BFSP2: variants seen among roughly 807,000 people sequenced by gnomAD.
BFSP2 encodes the protein beaded filament structural protein 2.
In BFSP2, 38 loss-of-function variants were observed where a neutral mutation model predicts 44.9. The observed-to-expected ratio is 0.85, with a 90% CI of 0.65 to 1.11. BFSP2 has a LOEUF of 1.11. Ranked by LOEUF, BFSP2 falls within the 50% of genes least tolerant of loss-of-function variation. The pLI, the probability that BFSP2 is intolerant of heterozygous loss-of-function variation, is 0.00. For missense variants in BFSP2, 525 were observed against 533.0 expected, an observed-to-expected ratio of 0.99 and a Z score of 0.15; for synonymous variants, 197 against 209.9, an observed-to-expected ratio of 0.94 and a Z score of 0.53.
chr3:133,421,049 G>T (rs1363684451), intron 1 of BFSP2, among the ~76,000 whole-genome samples: 1 of 152,220 alleles, frequency 6.6e-6, no homozygotes, highest in Non-Finnish European at 1.5e-5. Flanking sequence ...CTGTGGGGAT[G>T]CTGGCTGGAG....
At chr3:133,448,376 T>A (rs1354280758) in intron 2 of BFSP2, 113 bp from the exon 3 acceptor site, 1 of 1,320,214 alleles carries the variant, frequency 7.6e-7, no homozygotes, top group Non-Finnish European at 1.1e-6. Context: ...AAACAGTGAC[T>A]TTTACCATTC....
At chr3:133,446,639 T>A (rs1238232891) in intron 1 of BFSP2, among the ~76,000 whole-genome samples, 34 of 87,498 alleles carry the variant, frequency 3.9e-4, no homozygotes, top group African/African-American at 1.4e-3. Context: ...TATATATATA[T>A]AAAGGAGTTT....
intron 4 of BFSP2, among the ~76,000 whole-genome samples, chr3:133,457,149 C>T (rs577886354): frequency 1.6e-4 from 25 of 152,314 alleles, no homozygotes; most frequent in South Asian, 4.1e-4. Context: ...AAAAGCAGGA[C>T]GCCTGACAGC....
At chr3:133,467,299 C>T (rs1306952924) in intron 5 of BFSP2, among the ~76,000 whole-genome samples, 1 of 152,220 alleles carries the variant, frequency 6.6e-6, no homozygotes, top group Non-Finnish European at 1.5e-5. Flanking sequence ...GGCCCTGCCC[C>T]CCAAGGCTCA....
intron 1 of BFSP2, among the ~76,000 whole-genome samples, chr3:133,445,791 A>G (rs2073891359): frequency 6.6e-6 from 1 of 152,218 alleles, no homozygotes; most frequent in South Asian, 2.1e-4. Flanking sequence ...CATTTTATAT[A>G]AGAGACTTGA....
At chr3:133,428,815 T>G (rs1358736676) in intron 1 of BFSP2, among the ~76,000 whole-genome samples, 7 of 152,182 alleles carry the variant, frequency 4.6e-5, no homozygotes, top group Admixed American at 4.6e-4. Context: ...CTGCCCTCGC[T>G]CTGACCTGCC....
chr3:133,467,956 T>C (rs1423102532), intron 5 of BFSP2, among the ~76,000 whole-genome samples: 13 of 152,132 alleles, frequency 8.5e-5, no homozygotes, highest in Non-Finnish European at 1.9e-4. Flanking sequence ...ATTTATCCCT[T>C]GGGTAAAGAG....
intron 1 of BFSP2, among the ~76,000 whole-genome samples, chr3:133,424,212 A>ATTTTTTT (rs112772093): frequency 1.5e-5 from 1 of 64,718 alleles, no homozygotes; most frequent in East Asian, 1.1e-3. Flanking sequence ...CGTCCAGCTA[A>ATTTTTTT]TTTTTTTTTT....
chr3:133,416,003 ATTCACCCCGTCC>A (rs2073523159), intron 1 of BFSP2, among the ~76,000 whole-genome samples: 2 of 68,768 alleles, frequency 2.9e-5, no homozygotes, highest in South Asian at 4.8e-4. Flanking sequence ...TCTCCCTTCT[ATTCACCCCGTCC>A]TCTCCCCTCT....
chr3:133,449,972 G>GAAAGAAAGAAAGAAAGAAAGAAAGAAA (rs1559976005), intron 3 of BFSP2, among the ~76,000 whole-genome samples: 21 of 114,690 alleles, frequency 1.8e-4, no homozygotes, highest in African/African-American at 7.5e-4. Flanking sequence ...AGAGAAAGAA[G>GAAAGAAAGAAAGAAAGAAAGAAAGAAA]GAAAGAAGGA....
rs1302083960 is a variant in BFSP2 at position 133,466,883 on chromosome 3, C to A, written c.947C>A (p.Ala316Asp). 4.2e-5 allele frequency: 68 copies of A among 1,613,834 alleles called. No homozygotes were observed. Among genetic ancestry groups the A allele is most frequent in the Non-Finnish European group, 5.6e-5 (66 of 1,179,984 alleles). ...ACCCAGGAGGAGAAGCTGGCAGCTG[C>A]CCTCAGGGTGGAGTTACACAACACT... ...SQTQEEKLAA[A>D]LRVELHNTSC... is the part of the protein sequence containing the mutation. Residue 316 changes from alanine to aspartate, a missense_variant, in exon 5 of 7, where the codon GCC (alanine) becomes GAC (aspartate). Coordinates refer to ENST00000302334, the MANE Select transcript of BFSP2 (RefSeq NM_003571.4).
intron 1 of BFSP2, among the ~76,000 whole-genome samples, chr3:133,442,693 G>A (rs1255804356): frequency 6.6e-6 from 1 of 152,008 alleles, no homozygotes; most frequent in Non-Finnish European, 1.5e-5. Context: ...ACATTGTGGG[G>A]GTAGAATTGA....
chr3:133,428,478 G>C (rs1396242910), intron 1 of BFSP2, among the ~76,000 whole-genome samples: 1 of 62,702 alleles, frequency 1.6e-5, no homozygotes, highest in Non-Finnish European at 3.8e-5. Flanking sequence ...CAAAAAAATA[G>C]TTCCAAAAAA....
chr3:133,438,125 G>T (rs1323325370), intron 1 of BFSP2, among the ~76,000 whole-genome samples: 1 of 152,222 alleles, frequency 6.6e-6, no homozygotes, highest in African/African-American at 2.4e-5. Flanking sequence ...GGAAAGGGAG[G>T]TGGAGGGTGA....
At chr3:133,406,706 T>C (rs1038489719) in intron 1 of BFSP2, among the ~76,000 whole-genome samples, 3 of 151,938 alleles carry the variant, frequency 2.0e-5, no homozygotes, top group Non-Finnish European at 4.4e-5. Flanking sequence ...TCCACAGAAA[T>C]TAAGAATGAG....
Position 133,448,489 on chromosome 3 carries a change from A to T in BFSP2, c.573A>T (p.Arg191Ser). Residue 191 changes from arginine to serine, a missense_variant and splice_region_variant, in exon 3 of 7, where the codon AGA becomes AGT. Physicochemically the swap from Arg to Ser is moderately radical, Grantham distance 110. Transcript: ENST00000302334. Reference sequence around the variant, plus strand: ...GCTAATTAAGTTCCTTTATCTGCAGATATGAAAATGAGCAGCCATTTCGAA... The same window carrying T: ...GCTAATTAAGTTCCTTTATCTGCAGTTATGAAAATGAGCAGCCATTTCGAA... ...IQAGADDFKERYENEQPFRKA... is the reference protein window; with the variant it reads ...IQAGADDFKESYENEQPFRKA... 1 of 1,613,858 alleles carries T rather than the reference A, an allele frequency of 6.2e-7. No individual in the cohort carries two copies. The highest frequency in any genetic ancestry group is 8.5e-7 in the Non-Finnish European group (1 of 1,180,004).
chr3:133,459,164 A>G (rs1024641492), intron 4 of BFSP2, among the ~76,000 whole-genome samples: 2 of 151,888 alleles, frequency 1.3e-5, no homozygotes, highest in African/African-American at 4.8e-5. Flanking sequence ...ACATAGTAAG[A>G]CCCCACCTCT....
At chr3:133,445,631 G>A (rs982550910) in intron 1 of BFSP2, 9 of 152,042 alleles carry the variant, frequency 5.9e-5, no homozygotes, top group Non-Finnish European at 1.2e-4. Context: ...CTGAACATGT[G>A]GGCTTTTTTC....
At chr3:133,461,748 T>C (rs2074065807) in intron 4 of BFSP2, among the ~76,000 whole-genome samples, 1 of 152,236 alleles carries the variant, frequency 6.6e-6, no homozygotes, top group Non-Finnish European at 1.5e-5. Flanking sequence ...GTGAGATGAT[T>C]TGAGAAGGAA....
Sources: allele counts gnomAD v4.1 joint callset (sites outside exome capture counted in the v4.1 genomes callset), GRCh38; gene constraint gnomAD v4.1.1; transcripts MANE v1.5; gene names NCBI Gene and HGNC (gene_info 2026-07-23, HGNC 2026-07-21).